The following RYR2 variants were observed in gnomAD, a reference collection of about 807,000 sequenced individuals.
RYR2 encodes ryanodine receptor 2, also known as cardiac muscle ryanodine receptor-calcium release channel.
RYR2 carries 227 observed loss-of-function variants against 601.1 expected under a neutral mutation model. The ratio of observed to expected loss-of-function variants is 0.38; its 90% CI spans 0.34 to 0.42. The LOEUF is 0.42. Ranked by LOEUF, RYR2 falls within the 10% of genes least tolerant of loss-of-function variation. The pLI is 1.00. For missense variants in RYR2, 4,646 were observed against 6,156.5 expected (o/e 0.75, Z 8.21); for synonymous variants, 2,223 against 2,175.1 (o/e 1.02, Z -0.61).
intron 25 of RYR2, among the ~76,000 whole-genome samples, chr1:237,532,088 TC>T (rs1398098557): frequency 2.0e-5 from 3 of 152,140 alleles, no homozygotes; most frequent in African/African-American, 7.2e-5. Context: ...TTTTCTGCGA[TC>T]ATAGTCATTA....
At chr1:237,127,261 G>A (rs1307702645) in intron 1 of RYR2, among the ~76,000 whole-genome samples, 22 of 151,884 alleles carry the variant, frequency 1.4e-4, no homozygotes, top group African/African-American at 3.4e-4. Flanking sequence ...CCACAAAGCC[G>A]CCATTGTCAT....
intron 38 of RYR2, among the ~76,000 whole-genome samples, chr1:237,623,118 A>T (rs1305998920): frequency 2.0e-5 from 3 of 152,242 alleles, no homozygotes; most frequent in South Asian, 2.1e-4. Flanking sequence ...AATACTTTTT[A>T]AAAATAGCAT....
chr1:237,680,720 G>T (rs893794948), intron 62 of RYR2, 143 bp downstream of exon 62: 2 of 568,112 alleles, frequency 3.5e-6, no homozygotes, highest in African/African-American at 1.9e-5. Flanking sequence ...ACAAATACTA[G>T]ACAAAAACAG....
intron 36 of RYR2, among the ~76,000 whole-genome samples, chr1:237,612,066 A>C (rs1677938893): frequency 6.6e-6 from 1 of 152,208 alleles, no homozygotes; most frequent in Non-Finnish European, 1.5e-5. Flanking sequence ...TGATATATCC[A>C]TATAATATTA....
chr1:237,746,329 C>A (rs945558929), intron 80 of RYR2, among the ~76,000 whole-genome samples: 13 of 152,104 alleles, frequency 8.5e-5, no homozygotes, highest in African/African-American at 2.7e-4. Context: ...TATCCCTATA[C>A]CTGGTTAATT....
At chr1:237,107,476 C>T (rs113039248) in intron 1 of RYR2, among the ~76,000 whole-genome samples, 156 of 132,170 alleles carry the variant, frequency 1.2e-3, no homozygotes, top group African/African-American at 4.0e-3. Context: ...GCCGAGATCG[C>T]ACCACTGCAC....
chr1:237,605,908 A>C (rs942693599), intron 35 of RYR2, among the ~76,000 whole-genome samples: 3 of 151,328 alleles, frequency 2.0e-5, no homozygotes, highest in African/African-American at 7.3e-5. Context: ...CTGCTCAATG[A>C]AATAAAAGAG....
At chr1:237,506,856 T>C in intron 23 of RYR2, 42 bp downstream of exon 23, 1 of 1,482,176 alleles carries the variant, frequency 6.7e-7, no homozygotes, top group Non-Finnish European at 9.4e-7. Flanking sequence ...TGTGAATACA[T>C]CTTTCTGAAA....
chr1:237,139,133 C>T (rs574594642), intron 1 of RYR2, among the ~76,000 whole-genome samples: 6 of 152,142 alleles, frequency 3.9e-5, no homozygotes, highest in Non-Finnish European at 5.9e-5. Flanking sequence ...CTCAAATGTC[C>T]ATCAGTTAAT....
At chr1:237,680,416 A>G (rs1558206177) in intron 61 of RYR2, 40 bp from the exon 62 acceptor site, 2 of 1,585,916 alleles carry the variant, frequency 1.3e-6, no homozygotes, top group African/African-American at 1.3e-5. Flanking sequence ...CCCCTGAAAG[A>G]TTCCACTACG....
intron 24 of RYR2, among the ~76,000 whole-genome samples, chr1:237,523,074 C>T (rs1667247411): frequency 6.6e-6 from 1 of 152,132 alleles, no homozygotes; most frequent in African/African-American, 2.4e-5. Context: ...ACACTTCATT[C>T]AAACAAAGAA....
chr1:237,615,230 C>G (rs1678337144), intron 37 of RYR2, among the ~76,000 whole-genome samples: 1 of 152,148 alleles, frequency 6.6e-6, no homozygotes, highest in Admixed American at 6.6e-5. Flanking sequence ...ACTCAGTCAC[C>G]CAGGCTGGAG....
chr1:237,332,114 A>G (rs779800482), intron 3 of RYR2, among the ~76,000 whole-genome samples: 1 of 152,164 alleles, frequency 6.6e-6, no homozygotes, highest in Non-Finnish European at 1.5e-5. Context: ...TGCTGTTGTT[A>G]TTAATCATTA....
chr1:237,142,750 C>A (rs147715522), intron 1 of RYR2, among the ~76,000 whole-genome samples: 14 of 152,336 alleles, frequency 9.2e-5, no homozygotes, highest in Non-Finnish European at 1.8e-4. Context: ...GAGTGCAACA[C>A]TTCACTGCCC....
intron 2 of RYR2, among the ~76,000 whole-genome samples, chr1:237,288,872 T>A (rs1422593620): frequency 4.6e-5 from 7 of 152,108 alleles, no homozygotes. Flanking sequence ...CAGCTAGAGA[T>A]TTCCTTCTGC....
intron 84 of RYR2, among the ~76,000 whole-genome samples, chr1:237,766,681 C>G (rs909976065): frequency 6.6e-6 from 1 of 152,126 alleles, no homozygotes; most frequent in Non-Finnish European, 1.5e-5. Context: ...AGCTGAGAAG[C>G]TTAGGCTTTG....
At chr1:237,525,885 C>T (rs1667531695) in intron 24 of RYR2, among the ~76,000 whole-genome samples, 1 of 151,732 alleles carries the variant, frequency 6.6e-6, no homozygotes, top group Non-Finnish European at 1.5e-5. Flanking sequence ...GAGACTGGGG[C>T]AGTAGAATTG....
chr1:237,092,426 G>A (rs1042149011), intron 1 of RYR2, among the ~76,000 whole-genome samples: 4 of 151,802 alleles, frequency 2.6e-5, no homozygotes, highest in Non-Finnish European at 4.4e-5. Context: ...ATTCTGCCAT[G>A]TGAAATGTCC....
chr1:237,428,281 A>G (rs760867319), intron 12 of RYR2, among the ~76,000 whole-genome samples: 17 of 152,210 alleles, frequency 1.1e-4, no homozygotes, highest in Non-Finnish European at 1.9e-4. Flanking sequence ...AAATCAGTCT[A>G]TTATAAAGAT....
Sources: gnomAD v4.1 joint callset for allele counts (sites outside exome capture counted in the v4.1 genomes callset) on GRCh38, gnomAD v4.1.1 for gene constraint, MANE v1.5 for transcripts, NCBI Gene and HGNC (gene_info 2026-07-23, HGNC 2026-07-21) for gene names.